ROPN1B: variants seen among roughly 807,000 people sequenced by gnomAD.
The protein encoded by ROPN1B is rhophilin associated tail protein 1B.
In ROPN1B, 13 loss-of-function variants were observed where a neutral mutation model predicts 23.7. That is an observed-to-expected ratio of 0.55 (90% CI 0.36 to 0.87). ROPN1B has a LOEUF of 0.87. Among genes scored for constraint, ROPN1B ranks in the 40% least tolerant of loss-of-function variants. The pLI, the probability that ROPN1B is intolerant of heterozygous loss-of-function variation, is 0.01. For synonymous variants in ROPN1B, 67 were observed against 100.4 expected (o/e 0.67, Z 1.99); for missense variants, 183 against 249.2 (o/e 0.73, Z 1.79).
intron 1 of ROPN1B, among the ~76,000 whole-genome samples, chr3:125,969,768 G>C (rs187197684): frequency 1.3e-5 from 2 of 152,312 alleles, no homozygotes; most frequent in Non-Finnish European, 1.5e-5. Flanking sequence ...TTGTCATGTG[G>C]ACCAATGGGC....
intron 4 of ROPN1B, among the ~76,000 whole-genome samples, 153 bp downstream of exon 4, chr3:125,975,833 T>A (rs1389650150): frequency 6.6e-6 from 1 of 152,200 alleles, no homozygotes; most frequent in African/African-American, 2.4e-5. Flanking sequence ...AAATCTTCCC[T>A]TGGGGAAATG....
In ROPN1B at chr3:125,972,137, C is replaced by T. The variant is rs1404162163; in HGVS notation, c.83C>T (p.Ala28Val). ...LKEFAKAAIR[A>V]QPQDLIQWGA... Reference sequence around the variant, plus strand: ...GAGTTTGCCAAAGCCGCCATTCGGGCGCAGCCGCAGGACCTCATCCAGTGG... The same window carrying T: ...GAGTTTGCCAAAGCCGCCATTCGGGTGCAGCCGCAGGACCTCATCCAGTGG... Residue 28 changes from alanine to valine, a missense_variant, in exon 3 of 7, where the codon GCG (alanine) becomes GTG (valine). Coordinates refer to ENST00000514116, the MANE Select transcript of ROPN1B (RefSeq NM_001308313.2). The T allele has an allele frequency of 2.5e-6, 4 of 1,614,170 alleles. No homozygotes were observed. Among genetic ancestry groups the T allele is most frequent in the Admixed American group, 1.7e-5 (1 of 60,030 alleles).
At chr3:125,975,212 C>T (rs1012920109) in intron 3 of ROPN1B, among the ~76,000 whole-genome samples, 2 of 152,170 alleles carry the variant, frequency 1.3e-5, no homozygotes, top group Non-Finnish European at 2.9e-5. Context: ...ATTATATATA[C>T]ACATGTAACA....
chr3:125,971,912 A>T lies in ROPN1B; in HGVS notation c.-12-131A>T, dbSNP rs145882895. The T allele has an allele frequency of 9.1e-4, 638 of 702,094 alleles. 5 individuals are homozygous for T. The African/African-American group carries it at 0.01, about 11-fold the overall frequency. 43.5% of individuals were successfully genotyped at this position (702,094 alleles called of 1,614,324 possible). A position where few individuals can be genotyped will look rare whatever the true frequency, so the allele number is the denominator to read the frequency against. Reference sequence around the variant, plus strand: ...TTTCTAACCTTGCCGTTGTGTAACAATAGAATGCATTTGTCTTGCGGAGTC... The same window carrying T: ...TTTCTAACCTTGCCGTTGTGTAACATTAGAATGCATTTGTCTTGCGGAGTC... On this transcript the variant is annotated intron_variant, in intron 2 of 6. Coordinates refer to ENST00000514116, the MANE Select transcript of ROPN1B (RefSeq NM_001308313.2).
Position 125,971,131 on chromosome 3 carries a change from G to A in ROPN1B, c.-44G>A, listed in dbSNP as rs1938186995. 1 of 153,448 alleles carries A rather than the reference G, an allele frequency of 6.5e-6. No individual in the cohort carries two copies. The highest frequency in any genetic ancestry group is 1.5e-5 in the Non-Finnish European group (1 of 68,102). The allele number at this position is 153,448 out of a possible 1,614,324, so 9.5% of individuals were successfully genotyped here. ...ACCCTGCCTAGCAATTTATCTCAAA[G>A]CTTCAAGTTCCTGCCATCTACATGT... On this transcript the variant is annotated 5_prime_UTR_variant, in exon 2 of 7. Coordinates refer to ENST00000514116, the MANE Select transcript of ROPN1B (RefSeq NM_001308313.2).
chr3:125,979,961 C>T (rs1238459670), intron 5 of ROPN1B, among the ~76,000 whole-genome samples: 2 of 152,246 alleles, frequency 1.3e-5, no homozygotes, highest in African/African-American at 4.8e-5. Flanking sequence ...TATGCCACCT[C>T]CTGTTCCACT....
intron 5 of ROPN1B, among the ~76,000 whole-genome samples, chr3:125,978,375 C>G (rs1442355398): frequency 6.6e-6 from 1 of 152,160 alleles, no homozygotes; most frequent in Non-Finnish European, 1.5e-5. Flanking sequence ...GCAGTTAATT[C>G]TGATCTTGTC....
At chr3:125,971,974 C>T in intron 2 of ROPN1B, 69 bp from the exon 3 acceptor site, 2 of 1,440,158 alleles carry the variant, frequency 1.4e-6, no homozygotes, top group Admixed American at 2.1e-5. Flanking sequence ...TGGGTGACCT[C>T]CTGTCCAGGA....
rs189677708 is a variant in ROPN1B, at chr3:125,973,887, C to T, written c.117-1676C>T. On this transcript the variant is annotated intron_variant, in intron 3 of 6. Coordinates refer to ENST00000514116, the MANE Select transcript of ROPN1B (RefSeq NM_001308313.2). ...TTTAATCCATTGCAAGTAAGAATTT[C>T]CCTACATATGTGTTGTCAATGAAGA... is the stretch of plus-strand genomic sequence containing the variant. 9.1e-5 allele frequency: 14 copies of T among 153,798 alleles called. No homozygotes were observed. The East Asian group carries it at 2.7e-3, about 30-fold the overall frequency. The allele number at this position is 153,798 out of a possible 1,614,324, so 9.5% of individuals were successfully genotyped here.
chr3:125,973,435 T>C (rs891734945), intron 3 of ROPN1B: 8 of 172,910 alleles, frequency 4.6e-5, no homozygotes, highest in African/African-American at 1.9e-4. Context: ...TTTTCCATTC[T>C]AAATTTTATA....
At position 125,979,331 on chromosome 3, in the gene ROPN1B, A is replaced by C. The variant is rs1476604743; in HGVS notation, c.396+2166A>C. Reference sequence around the variant, plus strand: ...TAAATGTGGGGTTGGTCAGTGGTACAGTGTGAATGTTTGTGTCCTCCCAAA... The same window carrying C: ...TAAATGTGGGGTTGGTCAGTGGTACCGTGTGAATGTTTGTGTCCTCCCAAA... On this transcript the variant is annotated intron_variant, in intron 5 of 6. Transcript: ENST00000514116. 2.0e-5 allele frequency among the ~76,000 whole-genome samples: 3 copies of C among 152,208 alleles called. No homozygotes were observed. The East Asian group carries it at 5.8e-4, about 29-fold the overall frequency.
intron 6 of ROPN1B, among the ~76,000 whole-genome samples, chr3:125,982,792 C>T (rs1273830519): frequency 6.6e-6 from 1 of 152,148 alleles, no homozygotes; most frequent in African/African-American, 2.4e-5. Flanking sequence ...GTAACTCTGA[C>T]TCATGCTTAG....
chr3:125,975,651 C>A lies in ROPN1B; in HGVS notation c.205C>A (p.Pro69Thr), dbSNP rs781581009. 8 of 1,611,926 alleles carry A rather than the reference C, an allele frequency of 5.0e-6. No individual in the cohort carries two copies. The highest frequency in any genetic ancestry group is 3.3e-5 in the Admixed American group (2 of 59,954). Residue 69 changes from proline to threonine, a missense_variant, in exon 4 of 7, where the codon CCT (proline) becomes ACT (threonine). By Grantham distance (38) the Pro-to-Thr change is conservative. Transcript: ENST00000514116. Reference protein sequence around the residue: ...VALCNWAELTPELLKILHSQV... With the variant: ...VALCNWAELTTELLKILHSQV... Reference sequence around the variant, plus strand: ...TTTGTGTAACTGGGCAGAGCTAACACCTGAGCTGTTAAAGATCCTGCATTC... The same window carrying A: ...TTTGTGTAACTGGGCAGAGCTAACAACTGAGCTGTTAAAGATCCTGCATTC...
chr3:125,971,545 T>C (rs1037829530), intron 2 of ROPN1B, among the ~76,000 whole-genome samples: 5 of 151,842 alleles, frequency 3.3e-5, no homozygotes, highest in African/African-American at 1.2e-4. Context: ...CAAATGGCTG[T>C]TTAATGACTA....
chr3:125,982,536 C>T, intron 6 of ROPN1B, 91 bp downstream of exon 6: 3 of 1,064,986 alleles, frequency 2.8e-6, no homozygotes, highest in South Asian at 2.1e-5. Context: ...TATTATACTG[C>T]TCTGGGAACA....
chr3:125,980,741 GTTT>G (rs751827633), intron 5 of ROPN1B, among the ~76,000 whole-genome samples: 1 of 151,868 alleles, frequency 6.6e-6, no homozygotes, highest in South Asian at 2.1e-4. Flanking sequence ...GCAGAGGGTT[GTTT>G]TTGTTTGCTT....
intron 6 of ROPN1B, among the ~76,000 whole-genome samples, 181 bp from the exon 7 acceptor site, chr3:125,983,073 A>G (rs752696461): frequency 1.3e-5 from 2 of 152,216 alleles, no homozygotes; most frequent in Non-Finnish European, 2.9e-5. Context: ...GGTTGCAGTG[A>G]GCCGAGATTG....
chr3:125,978,762 G>A (rs939697728), intron 5 of ROPN1B, among the ~76,000 whole-genome samples: 1 of 152,156 alleles, frequency 6.6e-6, no homozygotes, highest in Non-Finnish European at 1.5e-5. Context: ...GTCCGCCAGG[G>A]TGTGCTATCT....
At chr3:125,972,264 G>T in intron 3 of ROPN1B, 94 bp downstream of exon 3, 1 of 1,159,564 alleles carries the variant, frequency 8.6e-7, no homozygotes, top group Non-Finnish European at 1.3e-6. Context: ...GCAGCCAGGG[G>T]GTCGGGACTA....
Sources: allele counts gnomAD v4.1 joint callset (sites outside exome capture counted in the v4.1 genomes callset), GRCh38; gene constraint gnomAD v4.1.1; transcripts MANE v1.5; gene names NCBI Gene and HGNC (gene_info 2026-07-23, HGNC 2026-07-21).